The following RANBP2 variants were observed in gnomAD, a reference collection of about 807,000 sequenced individuals.
The protein encoded by RANBP2 is RAN binding protein 2, also known as E3 SUMO-protein ligase RanBP2.
RANBP2 carries 57 observed loss-of-function variants against 303.6 expected under a neutral mutation model. The observed-to-expected ratio is 0.19, with a 90% CI of 0.15 to 0.23. The LOEUF (loss-of-function observed/expected upper bound fraction) is 0.23. Ranked by LOEUF, RANBP2 falls within the 10% of genes least tolerant of loss-of-function variation. The pLI, the probability that RANBP2 is intolerant of heterozygous loss-of-function variation, is 1.00. For missense variants in RANBP2, 3,138 were observed against 3,780.8 expected (o/e 0.83, Z 4.46); for synonymous variants, 1,167 against 1,301.5 (o/e 0.90, Z 2.23).
the RANBP2 span, among the ~76,000 whole-genome samples, chr2:109,583,253 T>C: frequency 3.9e-5 from 6 of 152,160 alleles, no homozygotes; most frequent in Non-Finnish European, 7.3e-5. Context: ...GAGAAAATTT[T>C]TACAAACTAT....
At chr2:109,566,930 A>G in the RANBP2 span, among the ~76,000 whole-genome samples, 2 of 152,294 alleles carry the variant, frequency 1.3e-5, no homozygotes, top group East Asian at 3.9e-4. Context: ...GGCTTTCTGA[A>G]TATTCTAGTT....
At chr2:109,425,785 G>A in the RANBP2 span, among the ~76,000 whole-genome samples, 1 of 152,260 alleles carries the variant, frequency 6.6e-6, no homozygotes. Context: ...ACAAGGAGAT[G>A]AATGTTGTTT....
chr2:108,747,146 G>T (rs563001014), intron 8 of RANBP2, among the ~76,000 whole-genome samples: 1 of 152,320 alleles, frequency 6.6e-6, no homozygotes, highest in South Asian at 2.1e-4. Context: ...CTGCTGTGGG[G>T]ATATAAAGAT....
chr2:108,728,244 ATTC>A (rs1408793064), intron 1 of RANBP2, among the ~76,000 whole-genome samples: 1 of 152,112 alleles, frequency 6.6e-6, no homozygotes, highest in Non-Finnish European at 1.5e-5. Context: ...GCTGATGAAA[ATTC>A]TTCTGTTGTC....
chr2:109,030,499 G>A, the RANBP2 span, among the ~76,000 whole-genome samples: 3 of 152,204 alleles, frequency 2.0e-5, no homozygotes, highest in Admixed American at 2.0e-4. Flanking sequence ...TGGATAGACA[G>A]TAAATATGAC....
At chr2:109,193,081 T>G in the RANBP2 span, among the ~76,000 whole-genome samples, 3 of 152,136 alleles carry the variant, frequency 2.0e-5, no homozygotes, top group African/African-American at 7.2e-5. Context: ...CAAAGGTGAG[T>G]AAATAGAAGT....
the RANBP2 span, among the ~76,000 whole-genome samples, chr2:109,706,353 GC>G: frequency 6.6e-6 from 1 of 152,200 alleles, no homozygotes; most frequent in Non-Finnish European, 1.5e-5. Flanking sequence ...CAGCCCACTG[GC>G]CCTGCCAGTC....
chr2:109,510,271 T>C, the RANBP2 span, among the ~76,000 whole-genome samples: 1 of 152,182 alleles, frequency 6.6e-6, no homozygotes, highest in African/African-American at 2.4e-5. Context: ...TCCTGGGCTC[T>C]CAAGGGGTGT....
intron 6 of RANBP2, among the ~76,000 whole-genome samples, chr2:108,737,715 A>AT (rs34504601): frequency 0.21 from 27,238 of 129,156 alleles, 3,140 homozygotes; most frequent in African/African-American, 0.3. Flanking sequence ...CACCTGGCTA[A>AT]TTTTTTTTTT....
the RANBP2 span, among the ~76,000 whole-genome samples, chr2:109,559,911 CTTTTTTTTTT>C: frequency 8.5e-6 from 1 of 117,558 alleles, no homozygotes; most frequent in Non-Finnish European, 1.7e-5. Context: ...CAACCAATGC[CTTTTTTTTTT>C]TTTTTTTTTT....
chr2:109,458,340 G>T, the RANBP2 span, among the ~76,000 whole-genome samples: 1 of 152,020 alleles, frequency 6.6e-6, no homozygotes, highest in African/African-American at 2.4e-5. Context: ...ATTGCTATAG[G>T]ATTTCTTTGT....
the RANBP2 span, among the ~76,000 whole-genome samples, chr2:108,805,507 C>T: frequency 2.6e-5 from 4 of 151,814 alleles, no homozygotes; most frequent in South Asian, 2.1e-4. Flanking sequence ...GGGCGGATCA[C>T]GAGGTCAGGA....
chr2:109,097,315 AAAAACAAAACAAAACAAAACAAAAC>A, the RANBP2 span, among the ~76,000 whole-genome samples: 9 of 148,856 alleles, frequency 6.0e-5, 1 homozygote, highest in Admixed American at 1.3e-4. Context: ...AAACAAAACA[AAAAACAAAACAAAACAAAACAAAAC>A]AAAACAAAAC....
the RANBP2 span, among the ~76,000 whole-genome samples, chr2:109,086,660 AAGGCCCCT>A: frequency 6.6e-6 from 1 of 152,102 alleles, no homozygotes; most frequent in Non-Finnish European, 1.5e-5. Context: ...TGCATTCCAT[AAGGCCCCT>A]GCCAGGTGAC....
the RANBP2 span, among the ~76,000 whole-genome samples, chr2:108,842,723 A>G: frequency 1.3e-5 from 2 of 152,096 alleles, no homozygotes; most frequent in Non-Finnish European, 2.9e-5. Flanking sequence ...GGGGGAGGGG[A>G]TGGGGATTTA....
At chr2:109,398,954 G>A in the RANBP2 span, 10 of 1,602,676 alleles carry the variant, frequency 6.2e-6, no homozygotes, top group Admixed American at 8.4e-5. Context: ...GTAACATCCC[G>A]CGGGCCAGGG....
chr2:109,584,356 T>C, the RANBP2 span, among the ~76,000 whole-genome samples: 1 of 151,004 alleles, frequency 6.6e-6, no homozygotes, highest in Admixed American at 6.7e-5. Flanking sequence ...GTGCCTGTAA[T>C]CCTAGCTACT....
chr2:109,122,152 T>C, the RANBP2 span, among the ~76,000 whole-genome samples: 1 of 152,190 alleles, frequency 6.6e-6, no homozygotes, highest in Admixed American at 6.5e-5. Flanking sequence ...CACGCTTTTG[T>C]TGAAAGAAAT....
At chr2:109,109,266 A>G in the RANBP2 span, among the ~76,000 whole-genome samples, 5 of 152,242 alleles carry the variant, frequency 3.3e-5, no homozygotes, top group African/African-American at 1.2e-4. Flanking sequence ...TGTTTTGTCA[A>G]TGAAAAGTGG....
Sources: allele counts gnomAD v4.1 joint callset (sites outside exome capture counted in the v4.1 genomes callset), GRCh38; gene constraint gnomAD v4.1.1; transcripts MANE v1.5; gene names NCBI Gene and HGNC (gene_info 2026-07-23, HGNC 2026-07-21).